The following DLGAP2 variants were observed in gnomAD, a reference collection of about 807,000 sequenced individuals.
The protein encoded by DLGAP2 is DLG associated protein 2.
DLGAP2 carries 26 observed loss-of-function variants against 100.3 expected under a neutral mutation model. That is an observed-to-expected ratio of 0.26 (90% CI 0.19 to 0.36). The LOEUF (loss-of-function observed/expected upper bound fraction) is 0.36. Among genes scored for constraint, DLGAP2 ranks in the 10% least tolerant of loss-of-function variants. The pLI is 1.00. For missense variants in DLGAP2, 1,858 were observed against 1,453.2 expected, an observed-to-expected ratio of 1.28 and a Z score of -4.53; for synonymous variants, 886 against 630.1, an observed-to-expected ratio of 1.41 and a Z score of -6.08.
At chr8:1,220,181 T>C (rs1408292026) in intron 2 of DLGAP2, among the ~76,000 whole-genome samples, 1 of 152,176 alleles carries the variant, frequency 6.6e-6, no homozygotes, top group Admixed American at 6.5e-5. Flanking sequence ...GGTTTTCTAG[T>C]TTCTTTAGGT....
chr8:1,289,811 G>A (rs578086359), intron 3 of DLGAP2, among the ~76,000 whole-genome samples: 2 of 152,322 alleles, frequency 1.3e-5, no homozygotes, highest in South Asian at 4.1e-4. Flanking sequence ...AGGAGAACCT[G>A]CTCATGATGT....
At chr8:946,611 G>C (rs1016125694) in intron 2 of DLGAP2, among the ~76,000 whole-genome samples, 5 of 152,200 alleles carry the variant, frequency 3.3e-5, no homozygotes, top group African/African-American at 1.2e-4. Flanking sequence ...AGAGTGACTA[G>C]ATAGGGGTTC....
At chr8:1,550,096 C>T (rs1801709467) in intron 5 of DLGAP2, among the ~76,000 whole-genome samples, 1 of 152,154 alleles carries the variant, frequency 6.6e-6, no homozygotes, top group South Asian at 2.1e-4. Context: ...TTTCAGATGC[C>T]ACCCGTGAGA....
intron 1 of DLGAP2, among the ~76,000 whole-genome samples, chr8:773,124 ACT>A (rs1821410748): frequency 6.6e-6 from 1 of 151,876 alleles, no homozygotes; most frequent in African/African-American, 2.4e-5. Context: ...AACAGCAGAA[ACT>A]CATCTTCTCA....
chr8:1,103,203 T>A (rs1804643165), intron 2 of DLGAP2, among the ~76,000 whole-genome samples: 3 of 152,166 alleles, frequency 2.0e-5, no homozygotes, highest in African/African-American at 7.2e-5. Context: ...TGTGTGTGTA[T>A]CACATGCTGG....
intron 1 of DLGAP2, among the ~76,000 whole-genome samples, chr8:798,307 G>A (rs1016216276): frequency 6.7e-6 from 1 of 150,066 alleles, no homozygotes; most frequent in African/African-American, 2.5e-5. Flanking sequence ...CCAGGTGAGG[G>A]GTGCCTGCTT....
intron 3 of DLGAP2, among the ~76,000 whole-genome samples, chr8:1,290,082 G>A (rs189282505): frequency 1.3e-5 from 2 of 152,254 alleles, no homozygotes; most frequent in East Asian, 3.9e-4. Context: ...GATTGGTGTT[G>A]GGAATTTATT....
intron 2 of DLGAP2, among the ~76,000 whole-genome samples, chr8:979,290 C>G (rs1006621019): frequency 6.6e-6 from 1 of 152,140 alleles, no homozygotes; most frequent in Admixed American, 6.5e-5. Flanking sequence ...ATACTGACAT[C>G]CGAAGGAGTG....
intron 4 of DLGAP2, among the ~76,000 whole-genome samples, chr8:1,534,439 T>C (rs777823194): frequency 2.6e-5 from 4 of 152,238 alleles, no homozygotes; most frequent in African/African-American, 9.6e-5. Flanking sequence ...TAAGATGTCA[T>C]TTGGTAATCA....
At chr8:1,038,498 C>CA (rs1802198427) in intron 2 of DLGAP2, among the ~76,000 whole-genome samples, 1 of 152,178 alleles carries the variant, frequency 6.6e-6, no homozygotes, top group South Asian at 2.1e-4. Flanking sequence ...AATTGGACAT[C>CA]AAGTGGCAGG....
intron 6 of DLGAP2, among the ~76,000 whole-genome samples, chr8:1,593,079 G>T (rs1796338681): frequency 6.6e-6 from 1 of 152,110 alleles, no homozygotes; most frequent in Non-Finnish European, 1.5e-5. Context: ...CAAGATAATG[G>T]AGTAGGAAGG....
chr8:967,847 TATATATATATATATATATATATATATAA>T (rs1242537355), intron 2 of DLGAP2, among the ~76,000 whole-genome samples: 15 of 75,106 alleles, frequency 2.0e-4, no homozygotes, highest in African/African-American at 8.4e-4. Context: ...TATATATATA[TATATATATATATATATATATATATATAA>T]ATACTTTAAA....
chr8:1,236,947 G>A (rs1306382802), intron 2 of DLGAP2, among the ~76,000 whole-genome samples: 44 of 136,474 alleles, frequency 3.2e-4, no homozygotes, highest in East Asian at 7.0e-4. Flanking sequence ...CTCACATGGC[G>A]CCGTGTCTAG....
At chr8:880,745 G>C (rs902117720) in intron 1 of DLGAP2, among the ~76,000 whole-genome samples, 72 of 152,314 alleles carry the variant, frequency 4.7e-4, no homozygotes, top group African/African-American at 1.7e-3. Flanking sequence ...GGGAGACTTT[G>C]TATGTGGGTC....
At chr8:1,629,305 C>G (rs1797586494) in intron 7 of DLGAP2, among the ~76,000 whole-genome samples, 1 of 152,122 alleles carries the variant, frequency 6.6e-6, no homozygotes, top group Non-Finnish European at 1.5e-5. Context: ...GAATTAAGTT[C>G]TCATCTGCAT....
chr8:1,620,456 G>C (rs1313821330), intron 6 of DLGAP2: 1 of 152,388 alleles, frequency 6.6e-6, no homozygotes, highest in African/African-American at 2.4e-5. Context: ...GCACTCAGAG[G>C]TTCACAGCCC....
At chr8:1,389,197 C>T (rs1228014016) in intron 3 of DLGAP2, among the ~76,000 whole-genome samples, 3 of 152,080 alleles carry the variant, frequency 2.0e-5, no homozygotes, top group Non-Finnish European at 4.4e-5. Flanking sequence ...ACGTGGACCT[C>T]TTTATGGGAA....
intron 6 of DLGAP2, among the ~76,000 whole-genome samples, chr8:1,589,805 G>T (rs190434431): frequency 6.6e-6 from 1 of 152,310 alleles, no homozygotes; most frequent in East Asian, 1.9e-4. Flanking sequence ...CCCTTGCCTT[G>T]ATGGAGGGTG....
chr8:1,359,251 TCTC>T (rs1801923021), intron 3 of DLGAP2, among the ~76,000 whole-genome samples: 3 of 152,180 alleles, frequency 2.0e-5, no homozygotes, highest in South Asian at 2.1e-4. Flanking sequence ...CGCATCCCCT[TCTC>T]CTCGCTGCCC....
Sources: gnomAD v4.1 joint callset for allele counts (sites outside exome capture counted in the v4.1 genomes callset) on GRCh38, gnomAD v4.1.1 for gene constraint, MANE v1.5 for transcripts, NCBI Gene and HGNC (gene_info 2026-07-23, HGNC 2026-07-21) for gene names.